Variants in HS6ST3 observed in about 807,000 individuals in gnomAD.
HS6ST3 encodes heparan sulfate 6-O-sulfotransferase 3, also known as heparan-sulfate 6-O-sulfotransferase 3.
In HS6ST3, 12 loss-of-function variants were observed where a neutral mutation model predicts 36.7. The ratio of observed to expected loss-of-function variants is 0.33; its 90% CI spans 0.21 to 0.53. The LOEUF (loss-of-function observed/expected upper bound fraction) is 0.53, where lower values mean the gene tolerates loss of function less well. HS6ST3 is among the 20% of genes least tolerant of loss of function. The pLI, the probability that HS6ST3 is intolerant of heterozygous loss-of-function variation, is 0.95. For missense variants in HS6ST3, 584 were observed against 640.9 expected (o/e 0.91, Z 0.96); for synonymous variants, 240 against 257.5 (o/e 0.93, Z 0.65).
intron 1 of HS6ST3, among the ~76,000 whole-genome samples, chr13:96,112,496 AC>A (rs1260836042): frequency 6.7e-6 from 1 of 148,446 alleles, no homozygotes; most frequent in Non-Finnish European, 1.5e-5. Flanking sequence ...ACTTTGGGAG[AC>A]TGAGGCGGGT....
chr13:96,316,026 T>TAAA (rs2054967236), intron 1 of HS6ST3, among the ~76,000 whole-genome samples: 1 of 152,216 alleles, frequency 6.6e-6, no homozygotes, highest in African/African-American at 2.4e-5. Context: ...TAATCATTAT[T>TAAA]GTGTTGATAT....
intron 1 of HS6ST3, among the ~76,000 whole-genome samples, chr13:96,130,336 C>T (rs1358265882): frequency 6.6e-6 from 1 of 152,036 alleles, no homozygotes; most frequent in African/African-American, 2.4e-5. Context: ...GAACCTTAAC[C>T]CTTTAAGAGA....
At chr13:96,162,420 C>T (rs780299574) in intron 1 of HS6ST3, among the ~76,000 whole-genome samples, 1 of 152,150 alleles carries the variant, frequency 6.6e-6, no homozygotes, top group Non-Finnish European at 1.5e-5. Context: ...CCACTGAATA[C>T]TGGAAGAAAA....
chr13:96,090,494 A>G lies in HS6ST3; in HGVS notation c.-369A>G, dbSNP rs1197718558. Among the ~76,000 whole-genome samples the G allele has an allele frequency of 6.9e-6, 1 of 145,902 alleles. No individual in the cohort carries two copies. Among genetic ancestry groups the G allele is most frequent in the Non-Finnish European group, 1.5e-5 (1 of 65,662 alleles). ...TGCGCGCGGCAGGTCCAGGACCCGA[A>G]CCCCGCTCCCCAGCGCCTGAGCGCC... is the stretch of plus-strand genomic sequence containing the variant. On this transcript the variant is annotated 5_prime_UTR_variant, in exon 1 of 2. Coordinates refer to ENST00000376705, the MANE Select transcript of HS6ST3 (RefSeq NM_153456.4).
chr13:96,365,086 CCA>C (rs985622619), intron 1 of HS6ST3, among the ~76,000 whole-genome samples: 10 of 152,082 alleles, frequency 6.6e-5, no homozygotes, highest in Non-Finnish European at 1.2e-4. Flanking sequence ...CCAATGTGAC[CCA>C]GTGGGGTTGG....
chr13:96,571,460 G>A (rs539162337), intron 1 of HS6ST3, among the ~76,000 whole-genome samples: 1 of 152,280 alleles, frequency 6.6e-6, no homozygotes, highest in East Asian at 1.9e-4. Flanking sequence ...AAGGTGAAAT[G>A]GACTCTTATT....
intron 1 of HS6ST3, among the ~76,000 whole-genome samples, chr13:96,564,831 G>A (rs912336195): frequency 1.3e-5 from 2 of 152,128 alleles, no homozygotes; most frequent in Non-Finnish European, 1.5e-5. Flanking sequence ...TAAAACACTC[G>A]TAGTAACTAA....
chr13:96,249,083 A>G (rs2054596578), intron 1 of HS6ST3, among the ~76,000 whole-genome samples: 1 of 152,026 alleles, frequency 6.6e-6, no homozygotes, highest in South Asian at 2.1e-4. Flanking sequence ...CCTGAAGACG[A>G]TTTTTATTCT....
chr13:96,284,867 G>T (rs1200157867), intron 1 of HS6ST3, among the ~76,000 whole-genome samples: 1 of 151,364 alleles, frequency 6.6e-6, no homozygotes, highest in South Asian at 2.1e-4. Flanking sequence ...CATTGGCTAT[G>T]CATATATTAA....
intron 1 of HS6ST3, among the ~76,000 whole-genome samples, chr13:96,348,144 GGAAA>G (rs1312602075): frequency 3.9e-5 from 6 of 152,292 alleles, no homozygotes; most frequent in African/African-American, 1.4e-4. Context: ...AAAGCTGCAT[GGAAA>G]GAAAGAAAGC....
At chr13:96,136,132 T>A (rs953775084) in intron 1 of HS6ST3, among the ~76,000 whole-genome samples, 1 of 152,134 alleles carries the variant, frequency 6.6e-6, no homozygotes, top group African/African-American at 2.4e-5. Flanking sequence ...AATACACAGG[T>A]TTGTTTACCC....
At chr13:96,134,491 C>G (rs879786426) in intron 1 of HS6ST3, among the ~76,000 whole-genome samples, 3 of 151,642 alleles carry the variant, frequency 2.0e-5, no homozygotes, top group Non-Finnish European at 4.4e-5. Context: ...TTAACAGTGT[C>G]ATAATTTTTT....
At chr13:96,189,497 A>G (rs1386482813) in intron 1 of HS6ST3, among the ~76,000 whole-genome samples, 2 of 152,078 alleles carry the variant, frequency 1.3e-5, no homozygotes, top group African/African-American at 4.8e-5. Flanking sequence ...CGACAGAGTT[A>G]TTTGACATGG....
At chr13:96,177,269 G>T (rs2054216933) in intron 1 of HS6ST3, among the ~76,000 whole-genome samples, 1 of 152,080 alleles carries the variant, frequency 6.6e-6, no homozygotes, top group Non-Finnish European at 1.5e-5. Flanking sequence ...TCCCATTACT[G>T]GGTATATACT....
intron 1 of HS6ST3, among the ~76,000 whole-genome samples, chr13:96,560,064 C>T (rs2056256132): frequency 6.6e-6 from 1 of 152,148 alleles, no homozygotes. Context: ...CTCAGGCCCT[C>T]CACAGGCCTA....
At chr13:96,176,382 A>C (rs1246822741) in intron 1 of HS6ST3, among the ~76,000 whole-genome samples, 1 of 152,186 alleles carries the variant, frequency 6.6e-6, no homozygotes, top group African/African-American at 2.4e-5. Context: ...TAATAAATGG[A>C]GGAATGATAG....
intron 1 of HS6ST3, among the ~76,000 whole-genome samples, chr13:96,483,054 T>A (rs193288326): frequency 4.6e-5 from 7 of 152,336 alleles, no homozygotes; most frequent in African/African-American, 1.7e-4. Flanking sequence ...CAAAAGCAGA[T>A]ATAGTCACCA....
chr13:96,304,040 G>A (rs915469428), intron 1 of HS6ST3, among the ~76,000 whole-genome samples: 2 of 151,966 alleles, frequency 1.3e-5, no homozygotes, highest in Admixed American at 1.3e-4. Context: ...TTACGGGGGA[G>A]GCTGAGGCAG....
chr13:96,179,208 G>A (rs1044434659), intron 1 of HS6ST3, among the ~76,000 whole-genome samples: 1 of 152,130 alleles, frequency 6.6e-6, no homozygotes, highest in African/African-American at 2.4e-5. Context: ...TTCAAAAAAA[G>A]AAATCCAGAC....
Sources: gnomAD v4.1 joint callset for allele counts (sites outside exome capture counted in the v4.1 genomes callset) on GRCh38, gnomAD v4.1.1 for gene constraint, MANE v1.5 for transcripts, NCBI Gene and HGNC (gene_info 2026-07-23, HGNC 2026-07-21) for gene names.